Variants in NCK2 observed in about 807,000 individuals in gnomAD.
NCK2 encodes cytoplasmic protein NCK2.
Under a neutral mutation model 33.9 loss-of-function variants are expected in NCK2, and 16 were observed. The ratio of observed to expected loss-of-function variants is 0.47; its 90% CI spans 0.32 to 0.72. The LOEUF is 0.72. Ranked by LOEUF, NCK2 falls within the 30% of genes least tolerant of loss-of-function variation. The probability of loss-of-function intolerance (pLI) is 0.03; values close to 1 mark genes in which losing one functional copy is unlikely to be tolerated. For synonymous variants in NCK2, 273 were observed against 239.9 expected, an observed-to-expected ratio of 1.14 and a Z score of -1.27; for missense variants, 418 against 537.3, an observed-to-expected ratio of 0.78 and a Z score of 2.19.
At chr2:105,793,182 T>C (rs1021311560) in intron 1 of NCK2, among the ~76,000 whole-genome samples, 1 of 152,138 alleles carries the variant, frequency 6.6e-6, no homozygotes, top group African/African-American at 2.4e-5. Context: ...AATGAAGGGA[T>C]TGGGCATTAA....
intron 3 of NCK2, among the ~76,000 whole-genome samples, chr2:105,857,435 G>T (rs1469404094): frequency 6.6e-6 from 1 of 152,222 alleles, no homozygotes; most frequent in Non-Finnish European, 1.5e-5. Context: ...TTGTTAGAAA[G>T]CTCTTCCTTA....
chr2:105,750,037 A>AACAAACACACACACAC (rs1553449507), intron 1 of NCK2, among the ~76,000 whole-genome samples: 1 of 144,456 alleles, frequency 6.9e-6, no homozygotes, highest in Non-Finnish European at 1.5e-5. Flanking sequence ...AAAGCAAACA[A>AACAAACACACACACAC]ACACACACAC....
intron 3 of NCK2, 41 bp downstream of exon 3, chr2:105,855,330 C>A: frequency 3.5e-6 from 5 of 1,439,102 alleles, no homozygotes; most frequent in South Asian, 1.3e-5. Flanking sequence ...TTGTGCATTT[C>A]AAGGGACACT....
chr2:105,749,207 C>T (rs1477423244), intron 1 of NCK2, among the ~76,000 whole-genome samples: 1 of 152,138 alleles, frequency 6.6e-6, no homozygotes, highest in African/African-American at 2.4e-5. Context: ...TGATCCTGGC[C>T]TGGTAAGTTA....
intron 1 of NCK2, among the ~76,000 whole-genome samples, chr2:105,790,626 C>G (rs143676949): frequency 3.3e-5 from 5 of 152,252 alleles, no homozygotes; most frequent in African/African-American, 1.2e-4. Flanking sequence ...CTGCATCCCC[C>G]GCACCTGTCC....
chr2:105,775,384 A>T (rs1018422781), intron 1 of NCK2, among the ~76,000 whole-genome samples: 1 of 152,216 alleles, frequency 6.6e-6, no homozygotes, highest in Non-Finnish European at 1.5e-5. Context: ...CTATTAGATT[A>T]TTCAGATTCC....
intron 1 of NCK2, among the ~76,000 whole-genome samples, chr2:105,748,447 T>C (rs763352916): frequency 4.0e-5 from 6 of 151,686 alleles, no homozygotes; most frequent in Non-Finnish European, 8.8e-5. Flanking sequence ...TACAGTAGCA[T>C]GATCACAGCT....
intron 1 of NCK2, among the ~76,000 whole-genome samples, chr2:105,764,097 T>C (rs1228327714): frequency 2.6e-5 from 4 of 152,240 alleles, no homozygotes; most frequent in African/African-American, 9.6e-5. Context: ...GCTAAGCAAT[T>C]TGTCCGAGTG....
intron 3 of NCK2, among the ~76,000 whole-genome samples, chr2:105,873,067 C>G (rs1678080831): frequency 6.6e-6 from 1 of 152,224 alleles, no homozygotes; most frequent in Non-Finnish European, 1.5e-5. Context: ...TCCCACACCC[C>G]CAGTTCCATG....
chr2:105,812,491 C>A (rs369065415), intron 1 of NCK2, among the ~76,000 whole-genome samples: 1 of 152,222 alleles, frequency 6.6e-6, no homozygotes, highest in Non-Finnish European at 1.5e-5. Flanking sequence ...ACAGCGCTGA[C>A]CCCGTGCTGT....
chr2:105,756,280 A>T (rs1273301096), intron 1 of NCK2, among the ~76,000 whole-genome samples: 1 of 152,218 alleles, frequency 6.6e-6, no homozygotes, highest in Non-Finnish European at 1.5e-5. Flanking sequence ...ATAAACACGA[A>T]ATCATCACTT....
At chr2:105,778,796 C>T (rs184323882) in intron 1 of NCK2, among the ~76,000 whole-genome samples, 32 of 152,098 alleles carry the variant, frequency 2.1e-4, no homozygotes, top group African/African-American at 6.5e-4. Context: ...GATCATAGCT[C>T]GCTGCAGCCT....
At position 105,855,130 on chromosome 2, in the gene NCK2, A is replaced by G. The variant is rs750771445; in HGVS notation, c.67A>G (p.Ile23Val). 3.7e-6 allele frequency: 6 copies of G among 1,614,246 alleles called. No homozygotes were observed. The highest frequency in any genetic ancestry group is 1.1e-5 in the South Asian group (1 of 91,086). Residue 23 changes from isoleucine (I) to valine (V), a missense_variant, in exon 3 of 5, where the codon ATC becomes GTC. By Grantham distance (29) the Ile-to-Val change is conservative (BLOSUM62 3). Transcript: ENST00000233154. ...YTAQQDQELD[I>V]KKNERLWLLD... ...CGCCCAGCAGGACCAGGAGCTGGACATCAAGAAGAACGAGCGGCTGTGGTT... is the reference window on the plus strand; with the variant it reads ...CGCCCAGCAGGACCAGGAGCTGGACGTCAAGAAGAACGAGCGGCTGTGGTT...
intron 1 of NCK2, among the ~76,000 whole-genome samples, chr2:105,766,215 G>A (rs1689942968): frequency 6.6e-6 from 1 of 152,194 alleles, no homozygotes; most frequent in Admixed American, 6.5e-5. Context: ...GGGAATGTGG[G>A]GACTTCCCAC....
intron 3 of NCK2, among the ~76,000 whole-genome samples, chr2:105,875,702 C>T (rs1406899063): frequency 6.6e-6 from 1 of 152,220 alleles, no homozygotes; most frequent in Non-Finnish European, 1.5e-5. Context: ...CACCGAATCT[C>T]CTGGGGCCTT....
At chr2:105,849,110 G>A (rs1676962796) in intron 2 of NCK2, among the ~76,000 whole-genome samples, 1 of 152,232 alleles carries the variant, frequency 6.6e-6, no homozygotes, top group Non-Finnish European at 1.5e-5. Flanking sequence ...AAGACCAGGT[G>A]TAATGGCTCA....
chr2:105,812,043 G>A (rs1400731729), intron 1 of NCK2, among the ~76,000 whole-genome samples: 6 of 152,050 alleles, frequency 3.9e-5, no homozygotes, highest in African/African-American at 1.2e-4. Flanking sequence ...TTTTTCCCTC[G>A]TGTTTTCATT....
chr2:105,881,883 T>G lies in NCK2; in HGVS notation c.782T>G (p.Leu261Arg). Residue 261 changes from leucine (L) to arginine (R), a missense_variant, in exon 4 of 5, where the codon CTG becomes CGG. Transcript: ENST00000233154. ...GTGGTCCTCAGTGACGGGCCTGCCC[T>G]GCACCCTGCGCACGCCCCACAGATA... Reference protein sequence around the residue: ...YVVVLSDGPALHPAHAPQISY... With the variant: ...YVVVLSDGPARHPAHAPQISY... 6.3e-7 allele frequency: 1 copy of G among 1,575,932 alleles called. No individual in the cohort carries two copies. The highest frequency in any genetic ancestry group is 8.6e-7 in the Non-Finnish European group (1 of 1,161,424).
At chr2:105,766,803 G>T (rs115950492) in intron 1 of NCK2, among the ~76,000 whole-genome samples, 1 of 152,108 alleles carries the variant, frequency 6.6e-6, no homozygotes, top group East Asian at 1.9e-4. Flanking sequence ...CAGGATTTTC[G>T]TTCCCTCCAA....
Sources: gnomAD v4.1 joint callset for allele counts (sites outside exome capture counted in the v4.1 genomes callset) on GRCh38, gnomAD v4.1.1 for gene constraint, MANE v1.5 for transcripts, NCBI Gene and HGNC (gene_info 2026-07-23, HGNC 2026-07-21) for gene names.